The following GRIA4 variants were observed in gnomAD, a reference collection of about 807,000 sequenced individuals.
The protein encoded by GRIA4 is glutamate ionotropic receptor AMPA type subunit 4, also known as glutamate receptor 4.
In GRIA4, 34 loss-of-function variants were observed where a neutral mutation model predicts 104.0. The observed-to-expected ratio is 0.33, with a 90% CI of 0.25 to 0.44. The LOEUF (loss-of-function observed/expected upper bound fraction) is 0.44, where lower values mean the gene tolerates loss of function less well. GRIA4 is among the 20% of genes least tolerant of loss of function. The probability of loss-of-function intolerance (pLI) is 1.00; values close to 1 mark genes in which losing one functional copy is unlikely to be tolerated. For synonymous variants in GRIA4, 386 were observed against 381.9 expected, an observed-to-expected ratio of 1.01 and a Z score of -0.13; for missense variants, 750 against 1,096.5, an observed-to-expected ratio of 0.68 and a Z score of 4.46.
intron 3 of GRIA4, among the ~76,000 whole-genome samples, chr11:105,697,481 T>C (rs1373032060): frequency 1.3e-5 from 2 of 152,112 alleles, no homozygotes; most frequent in East Asian, 3.8e-4. Flanking sequence ...CTGTGAAAGA[T>C]GGGGAGGAAG....
chr11:105,812,980 AG>A (rs1943236082), intron 4 of GRIA4, among the ~76,000 whole-genome samples: 1 of 149,894 alleles, frequency 6.7e-6, no homozygotes, highest in South Asian at 2.1e-4. Flanking sequence ...GGGCACCTGT[AG>A]TCCTCGGGAG....
intron 4 of GRIA4, among the ~76,000 whole-genome samples, chr11:105,782,251 C>CACAAAAAATCAG (rs1941762022): frequency 4.6e-5 from 7 of 152,148 alleles, no homozygotes; most frequent in Admixed American, 3.3e-4. Context: ...TCAGTGTTAA[C>CACAAAAAATCAG]TTTTTAATGA....
chr11:105,952,840 T>G (rs1193821762), intron 14 of GRIA4, among the ~76,000 whole-genome samples: 1 of 152,164 alleles, frequency 6.6e-6, no homozygotes, highest in Non-Finnish European at 1.5e-5. Flanking sequence ...TTACAAAAAT[T>G]TTTCTCTCCT....
chr11:105,803,216 C>A (rs1942796165), intron 4 of GRIA4, among the ~76,000 whole-genome samples: 1 of 151,876 alleles, frequency 6.6e-6, no homozygotes. Flanking sequence ...TTTACCATTT[C>A]TTAGACTGTT....
intron 4 of GRIA4, among the ~76,000 whole-genome samples, chr11:105,753,651 C>G (rs182792849): frequency 1.5e-4 from 23 of 152,194 alleles, no homozygotes; most frequent in African/African-American, 2.4e-4. Context: ...AGCATCAGAT[C>G]CTACAGATTG....
chr11:105,631,350 T>C (rs1591469260), intron 3 of GRIA4, among the ~76,000 whole-genome samples: 1 of 152,304 alleles, frequency 6.6e-6, no homozygotes, highest in East Asian at 1.9e-4. Flanking sequence ...AAAAAGACTG[T>C]CCATTACCCA....
At chr11:105,898,495 C>T (rs1162978050) in intron 7 of GRIA4, 68 bp downstream of exon 7, 2 of 961,304 alleles carry the variant, frequency 2.1e-6, no homozygotes, top group Non-Finnish European at 3.2e-6. Context: ...GTTTATTATA[C>T]AGTTTTTCCA....
chr11:105,915,040 G>A lies in GRIA4; in HGVS notation c.1270-3672G>A, dbSNP rs560348161. Among the ~76,000 whole-genome samples, 5 of 152,282 alleles carry A rather than the reference G, an allele frequency of 3.3e-5. No homozygotes were observed. The East Asian group carries it at 5.8e-4, about 18-fold the overall frequency. On this transcript the variant is annotated intron_variant, in intron 10 of 16. Coordinates refer to ENST00000282499, the MANE Select transcript of GRIA4 (RefSeq NM_000829.4). ...CATGGGGGAAATGAGGAGGTTGGGC[G>A]AATGTTGAGTATTTGCTACTCTTTT... is the stretch of plus-strand genomic sequence containing the variant.
At chr11:105,685,208 A>G (rs1308777946) in intron 3 of GRIA4, among the ~76,000 whole-genome samples, 1 of 151,820 alleles carries the variant, frequency 6.6e-6, no homozygotes, top group East Asian at 1.9e-4. Context: ...GAAGGAAGGA[A>G]GGAAGTTAAA....
intron 3 of GRIA4, among the ~76,000 whole-genome samples, chr11:105,614,669 A>T (rs1460850277): frequency 1.3e-5 from 2 of 152,008 alleles, no homozygotes; most frequent in Non-Finnish European, 2.9e-5. Flanking sequence ...AAGAAAACAA[A>T]TTGTAAATAA....
intron 4 of GRIA4, among the ~76,000 whole-genome samples, chr11:105,818,755 C>G (rs1198534063): frequency 6.6e-6 from 1 of 152,094 alleles, no homozygotes; most frequent in East Asian, 1.9e-4. Flanking sequence ...AAAAGGCAGG[C>G]ACAGAAGGGC....
chr11:105,838,982 C>T (rs900114119), intron 4 of GRIA4, among the ~76,000 whole-genome samples: 1 of 152,086 alleles, frequency 6.6e-6, no homozygotes, highest in South Asian at 2.1e-4. Context: ...TCTTGCCACC[C>T]ACTCTATTTC....
rs1270741140 is a variant in GRIA4, at chr11:105,672,646, T to C, written c.247+60212T>C. The stretch of plus-strand genomic sequence containing the variant: ...ATGTAGAGCTCAGTATTAATCCGTA[T>C]TTCCAACAATGATGACTTCTTCAAA... On this transcript the variant is annotated intron_variant, in intron 3 of 16. Transcript: ENST00000282499. Among the ~76,000 whole-genome samples, 3 of 152,110 alleles carry C rather than the reference T, an allele frequency of 2.0e-5. No individual in the cohort carries two copies. In the East Asian group the frequency reaches 5.8e-4, roughly 29 times the overall value.
At chr11:105,636,170 T>C (rs1301414635) in intron 3 of GRIA4, among the ~76,000 whole-genome samples, 3 of 152,188 alleles carry the variant, frequency 2.0e-5, no homozygotes, top group Non-Finnish European at 2.9e-5. Flanking sequence ...TTTTCATCAG[T>C]TCAGTTCTTA....
intron 6 of GRIA4, 69 bp from the exon 7 acceptor site, chr11:105,898,198 TTA>T (rs1421757198): frequency 2.8e-6 from 2 of 716,778 alleles, no homozygotes; most frequent in East Asian, 5.2e-5. Flanking sequence ...GGTTATTAAT[TTA>T]TGTTACTATT....
intron 5 of GRIA4, among the ~76,000 whole-genome samples, chr11:105,879,929 T>C (rs1181467801): frequency 6.6e-6 from 1 of 152,098 alleles, no homozygotes; most frequent in Non-Finnish European, 1.5e-5. Context: ...GTGAAAACAG[T>C]ATGGAAACTA....
chr11:105,646,146 T>C (rs528173439), intron 3 of GRIA4, among the ~76,000 whole-genome samples: 1 of 152,290 alleles, frequency 6.6e-6, no homozygotes, highest in African/African-American at 2.4e-5. Flanking sequence ...GAAAGCAATA[T>C]CAAACATGCA....
chr11:105,928,523 T>G (rs1216375207), intron 13 of GRIA4, among the ~76,000 whole-genome samples: 1 of 151,456 alleles, frequency 6.6e-6, no homozygotes, highest in Non-Finnish European at 1.5e-5. Flanking sequence ...AGTACCGTGC[T>G]GCCGGTTTAT....
intron 4 of GRIA4, among the ~76,000 whole-genome samples, chr11:105,762,408 T>G (rs1049231834): frequency 6.6e-6 from 1 of 152,246 alleles, no homozygotes; most frequent in Non-Finnish European, 1.5e-5. Context: ...GTTTTCTGGA[T>G]GGTTTTGCCT....
Sources: allele counts gnomAD v4.1 joint callset (sites outside exome capture counted in the v4.1 genomes callset), GRCh38; gene constraint gnomAD v4.1.1; transcripts MANE v1.5; gene names NCBI Gene and HGNC (gene_info 2026-07-23, HGNC 2026-07-21).